TM4SF18: variants seen among roughly 807,000 people sequenced by gnomAD.
The protein encoded by TM4SF18 is transmembrane 4 L6 family member 18.
A neutral mutation model predicts 23.8 loss-of-function variants in TM4SF18; 22 were observed. The ratio of observed to expected loss-of-function variants is 0.92; its 90% confidence interval spans 0.66 to 1.32. The LOEUF (loss-of-function observed/expected upper bound fraction) is 1.32, where lower values mean the gene tolerates loss of function less well. TM4SF18 is among the 40% of genes most tolerant of loss of function. TM4SF18 has a pLI of 0.00. For missense variants in TM4SF18, 255 were observed against 240.3 expected, an observed-to-expected ratio of 1.06 and a Z score of -0.41; for synonymous variants, 87 against 87.9, an observed-to-expected ratio of 0.99 and a Z score of 0.06.
Position 149,318,714 on chromosome 3 carries a change from T to C in TM4SF18, c.*2764A>G, listed in dbSNP as rs1350701125. 6.6e-6 allele frequency: 1 copy of C among 152,202 alleles called. No homozygotes were observed. The highest frequency in any genetic ancestry group is 1.5e-5 in the Non-Finnish European group (1 of 68,036). The allele number at this position is 152,202 out of a possible 1,614,324, so 9.4% of individuals were successfully genotyped here. On this transcript the variant is annotated 3_prime_UTR_variant, in exon 6 of 6. Transcript: ENST00000296059. ...CCATCCAAGTAATAACCTGGATCAA[T>C]CCTGCTTAAGTTTCCAATATTAGGC... is the stretch of plus-strand genomic sequence containing the variant.
At chr3:149,323,190 G>A (rs575546871) in intron 4 of TM4SF18, among the ~76,000 whole-genome samples, 6 of 152,070 alleles carry the variant, frequency 3.9e-5, no homozygotes, top group Middle Eastern at 3.4e-3. Flanking sequence ...GAGCCACCGC[G>A]CCTGGCCCTC....
intron 3 of TM4SF18, among the ~76,000 whole-genome samples, chr3:149,327,941 C>A (rs1730991834): frequency 6.6e-6 from 1 of 152,108 alleles, no homozygotes; most frequent in Non-Finnish European, 1.5e-5. Flanking sequence ...TCATAGTTTT[C>A]TTTTCTGTAA....
Position 149,324,970 on chromosome 3 carries a change from C to A in TM4SF18, c.320G>T (p.Cys107Phe). ...SSLGIAFSGYCLVISALGLVQ... is the reference protein window; with the variant it reads ...SSLGIAFSGYFLVISALGLVQ... ...AAGACCCAAGGCAGAGATGACCAGG[C>A]AGTATCCAGAAAAAGCAATTCCGAG... The change falls in exon 4 of 6, where the codon TGC becomes TTC. Residue 107 changes from cysteine (C) to phenylalanine (F), a missense_variant. Physicochemically the swap from Cys to Phe is radical, Grantham distance 205. Coordinates refer to ENST00000296059, the MANE Select transcript of TM4SF18 (RefSeq NM_138786.4). 2 of 1,614,074 alleles carry A rather than the reference C, an allele frequency of 1.2e-6. No homozygotes were observed. The highest frequency in any genetic ancestry group is 1.7e-6 in the Non-Finnish European group (2 of 1,180,006).
intron 3 of TM4SF18, among the ~76,000 whole-genome samples, chr3:149,328,771 C>T (rs534961104): frequency 1.5e-3 from 233 of 152,252 alleles, no homozygotes; most frequent in African/African-American, 5.4e-3. Flanking sequence ...ATGTCACACA[C>T]GTGGCTTCTG....
At chr3:149,330,471 G>A (rs1731065851) in intron 2 of TM4SF18, 52 bp from the exon 3 acceptor site, 1 of 1,285,418 alleles carries the variant, frequency 7.8e-7, no homozygotes, top group Non-Finnish European at 1.1e-6. Context: ...GTTTACATTT[G>A]TGCTTATAAT....
At chr3:149,326,819 A>T (rs1163615398) in intron 3 of TM4SF18, among the ~76,000 whole-genome samples, 14 of 151,844 alleles carry the variant, frequency 9.2e-5, no homozygotes, top group African/African-American at 3.4e-4. Context: ...CTGTAGGTCA[A>T]CTCCTATGCC....
chr3:149,322,904 A>G (rs915733392), intron 4 of TM4SF18, among the ~76,000 whole-genome samples: 1 of 95,312 alleles, frequency 1.0e-5, no homozygotes, highest in Non-Finnish European at 2.2e-5. Flanking sequence ...TGGCCTCCAG[A>G]CTTTTTTTTT....
intron 3 of TM4SF18, among the ~76,000 whole-genome samples, chr3:149,327,795 G>A (rs539497185): frequency 2.6e-5 from 4 of 152,222 alleles, no homozygotes; most frequent in African/African-American, 7.2e-5. Flanking sequence ...GAAGATCAGT[G>A]AAGAATTTCT....
intron 3 of TM4SF18, among the ~76,000 whole-genome samples, chr3:149,327,106 C>T (rs1216879932): frequency 2.6e-5 from 4 of 152,146 alleles, no homozygotes; most frequent in East Asian, 1.9e-4. Flanking sequence ...CGTGCCGCCA[C>T]GCCTAGCTCA....
chr3:149,324,402 A>G (rs1730885421), intron 4 of TM4SF18, among the ~76,000 whole-genome samples: 1 of 152,098 alleles, frequency 6.6e-6, no homozygotes, highest in African/African-American at 2.4e-5. Context: ...GCCTTGTTCT[A>G]TCTCTTTATC....
At chr3:149,330,667 G>A (rs1731069105) in intron 2 of TM4SF18, among the ~76,000 whole-genome samples, 1 of 152,168 alleles carries the variant, frequency 6.6e-6, no homozygotes, top group Non-Finnish European at 1.5e-5. Context: ...ACTGATAAAT[G>A]TTAGCTATTA....
rs751080849 is a variant in TM4SF18 at position 149,318,696 on chromosome 3, A to C, written c.*2782T>G. On this transcript the variant is annotated 3_prime_UTR_variant, in exon 6 of 6. Transcript: ENST00000296059. ...CCTATAGCATCTGGTCTCCCATCCA[A>C]GTAATAACCTGGATCAATCCTGCTT... is the stretch of plus-strand genomic sequence containing the variant. 1 of 152,212 alleles carries C rather than the reference A, an allele frequency of 6.6e-6. No individual in the cohort carries two copies. The highest frequency in any genetic ancestry group is 2.4e-5 in the African/African-American group (1 of 41,446). The allele number at this position is 152,212 out of a possible 1,614,324, so 9.4% of individuals were successfully genotyped here. A position where few individuals can be genotyped will look rare whatever the true frequency, so the allele number is the denominator to read the frequency against.
At chr3:149,325,688 A>G (rs568419273) in intron 3 of TM4SF18, among the ~76,000 whole-genome samples, 1 of 152,288 alleles carries the variant, frequency 6.6e-6, no homozygotes, top group African/African-American at 2.4e-5. Context: ...TGGGAAAACA[A>G]GGTTGATAGG....
At chr3:149,322,876 C>A (rs1730842648) in intron 4 of TM4SF18, among the ~76,000 whole-genome samples, 1 of 150,052 alleles carries the variant, frequency 6.7e-6, no homozygotes, top group Non-Finnish European at 1.5e-5. Flanking sequence ...GGATGTTGAG[C>A]AAAGAACTTT....
chr3:149,333,482 C>CTCTCTCTTTT (rs4048749), intron 1 of TM4SF18, 31 bp downstream of exon 1: 3 of 237,640 alleles, frequency 1.3e-5, no homozygotes, highest in Non-Finnish European at 2.0e-5. Flanking sequence ...CTCTCTCTCT[C>CTCTCTCTTTT]TTTTTTTTTT....
chr3:149,330,229 A>G (rs759013245), intron 3 of TM4SF18, 101 bp downstream of exon 3: 75 of 708,320 alleles, frequency 1.1e-4, no homozygotes, highest in Non-Finnish European at 1.7e-4. Flanking sequence ...TGTACTCAAC[A>G]GTAGTGAGGG....
Position 149,320,193 on chromosome 3 carries a change from G to A in TM4SF18, c.*1285C>T, listed in dbSNP as rs1454141734. 6.6e-6 allele frequency: 1 copy of A among 152,428 alleles called. No homozygotes were observed. The highest frequency in any genetic ancestry group is 1.5e-5 in the Non-Finnish European group (1 of 68,234). 9.4% of individuals were successfully genotyped at this position (152,428 alleles called of 1,614,324 possible). ...AGACAAATGGGGAAATGGCAGAAGT[G>A]TTGAGGCCCAGTGCACCTGTGATGG... is the stretch of plus-strand genomic sequence containing the variant. On this transcript the variant is annotated 3_prime_UTR_variant, in exon 6 of 6. Coordinates refer to ENST00000296059, the MANE Select transcript of TM4SF18 (RefSeq NM_138786.4).
intron 2 of TM4SF18, among the ~76,000 whole-genome samples, chr3:149,332,786 C>T (rs1731113863): frequency 6.6e-6 from 1 of 152,148 alleles, no homozygotes; most frequent in South Asian, 2.1e-4. Flanking sequence ...GCAGGTTTGT[C>T]TGAATAGCCA....
intron 3 of TM4SF18, 125 bp downstream of exon 3, chr3:149,330,205 C>T (rs1731058473): frequency 6.7e-6 from 3 of 450,910 alleles, no homozygotes; most frequent in Non-Finnish European, 1.2e-5. Context: ...GCAGTAAACT[C>T]TTGATCTCTG....
Sources: allele counts gnomAD v4.1 joint callset (sites outside exome capture counted in the v4.1 genomes callset), GRCh38; gene constraint gnomAD v4.1.1; transcripts MANE v1.5; gene names NCBI Gene and HGNC (gene_info 2026-07-23, HGNC 2026-07-21).